Variants in PLEKHH2 observed in about 807,000 individuals in gnomAD.
PLEKHH2 encodes pleckstrin homology domain-containing family H member 2.
A neutral mutation model predicts 187.9 loss-of-function variants in PLEKHH2; 129 were observed. That is an observed-to-expected ratio of 0.69 (90% CI 0.59 to 0.79). The LOEUF (loss-of-function observed/expected upper bound fraction) is 0.79. Among genes scored for constraint, PLEKHH2 ranks in the 30% least tolerant of loss-of-function variants. PLEKHH2 has a pLI of 0.00. For missense variants in PLEKHH2, 2,076 were observed against 1,751.2 expected (o/e 1.19, Z -3.31); for synonymous variants, 686 against 605.6 (o/e 1.13, Z -1.95).
chr2:43,746,157 A>G (rs1558611083), intron 24 of PLEKHH2, among the ~76,000 whole-genome samples, 194 bp downstream of exon 24: 1 of 152,220 alleles, frequency 6.6e-6, no homozygotes, highest in Admixed American at 6.5e-5. Context: ...TAGTCTCTTA[A>G]TGTCATAAAG....
chr2:43,726,539 A>G, intron 17 of PLEKHH2, 88 bp downstream of exon 17: 2 of 1,271,200 alleles, frequency 1.6e-6, no homozygotes, highest in African/African-American at 1.5e-5. Flanking sequence ...ATTTAATGGA[A>G]ATAAGGAAGA....
Position 43,701,752 on chromosome 2 carries a change from A to G in PLEKHH2, c.1650+1144A>G, listed in dbSNP as rs1002750816. Among the ~76,000 whole-genome samples the G allele has an allele frequency of 2.0e-5, 3 of 147,546 alleles. No individual in the cohort carries two copies. In the South Asian group the frequency reaches 6.4e-4, roughly 31 times the overall value. On this transcript the variant is annotated intron_variant, in intron 8 of 29. Coordinates refer to ENST00000282406, the MANE Select transcript of PLEKHH2 (RefSeq NM_172069.4). Reference sequence around the variant, plus strand: ...CCAATATTTGAAATAAAATGAAATGATCTGTTTAATTTTAATTTTTTTTTT... The same window carrying G: ...CCAATATTTGAAATAAAATGAAATGGTCTGTTTAATTTTAATTTTTTTTTT...
At chr2:43,682,628 A>G (rs1302740241) in intron 3 of PLEKHH2, among the ~76,000 whole-genome samples, 1 of 152,058 alleles carries the variant, frequency 6.6e-6, no homozygotes, top group Non-Finnish European at 1.5e-5. Context: ...TTAAATGAAC[A>G]TTTCAGTGTT....
chr2:43,741,081 C>A, intron 21 of PLEKHH2, 38 bp downstream of exon 21: 1 of 1,529,706 alleles, frequency 6.5e-7, no homozygotes. Flanking sequence ...GTTTATGTGG[C>A]CTCTGAAAGT....
intron 10 of PLEKHH2, among the ~76,000 whole-genome samples, chr2:43,706,972 C>A (rs988246141): frequency 6.6e-6 from 1 of 151,906 alleles, no homozygotes; most frequent in African/African-American, 2.4e-5. Flanking sequence ...CCGAGGCGGG[C>A]GGATCACGAG....
chr2:43,644,858 A>G (rs1666113128), intron 2 of PLEKHH2, 62 bp downstream of exon 2: 4 of 1,460,134 alleles, frequency 2.7e-6, no homozygotes, highest in Admixed American at 2.2e-5. Context: ...CTTCATTTAT[A>G]TTAAATAATC....
intron 2 of PLEKHH2, among the ~76,000 whole-genome samples, chr2:43,671,109 ACTG>A (rs1667477740): frequency 6.7e-6 from 1 of 149,022 alleles, no homozygotes; most frequent in African/African-American, 2.5e-5. Context: ...TCTGCCCCCC[ACTG>A]AGTAGCTGGG....
chr2:43,712,415 G>C, intron 15 of PLEKHH2, 32 bp downstream of exon 15: 1 of 1,595,514 alleles, frequency 6.3e-7, no homozygotes, highest in Non-Finnish European at 8.6e-7. Context: ...CAATGTCCCA[G>C]GCAGCTATGG....
At chr2:43,735,420 C>T (rs1474192591) in intron 19 of PLEKHH2, among the ~76,000 whole-genome samples, 1 of 151,978 alleles carries the variant, frequency 6.6e-6, no homozygotes, top group Non-Finnish European at 1.5e-5. Context: ...TTACCAGAGG[C>T]TGGGTAGTAG....
At position 43,683,381 on chromosome 2, in the gene PLEKHH2, C is replaced by T. The variant is rs536616397; in HGVS notation, c.186+4456C>T. Among the ~76,000 whole-genome samples the T allele has an allele frequency of 1.3e-3, 200 of 151,984 alleles. 1 individual carries two copies. The highest frequency in any genetic ancestry group is 4.7e-3 in the African/African-American group (193 of 41,476). ...CTCAAACTCCTGATTTCAGGTGATCCGCCCACCTTGGCCTCCCAGAGTGCT... is the reference window on the plus strand; with the variant it reads ...CTCAAACTCCTGATTTCAGGTGATCTGCCCACCTTGGCCTCCCAGAGTGCT... On this transcript the variant is annotated intron_variant, in intron 3 of 29. Transcript: ENST00000282406.
At chr2:43,740,657 A>G (rs1671520979) in intron 20 of PLEKHH2, among the ~76,000 whole-genome samples, 1 of 152,138 alleles carries the variant, frequency 6.6e-6, no homozygotes, top group African/African-American at 2.4e-5. Context: ...AAAAGAAACA[A>G]TGTTCCTAAT....
At position 43,759,145 on chromosome 2, in the gene PLEKHH2, T is replaced by C. The variant is rs1672332130; in HGVS notation, c.4071+116T>C. On this transcript the variant is annotated intron_variant, in intron 27 of 29. Coordinates refer to ENST00000282406, the MANE Select transcript of PLEKHH2 (RefSeq NM_172069.4). ...TAAAAAATGAAGAAATATCCAATAA[T>C]GTAAAGAAAACAATGAAGAGACACT... 6 of 1,389,240 alleles carry C rather than the reference T, an allele frequency of 4.3e-6. No homozygotes were observed. The Admixed American group carries it at 1.5e-4, about 34-fold the overall frequency. 86.1% of individuals were successfully genotyped at this position (1,389,240 alleles called of 1,614,324 possible).
At chr2:43,729,895 T>C (rs983321507) in intron 18 of PLEKHH2, 150 bp downstream of exon 18, 3 of 500,080 alleles carry the variant, frequency 6.0e-6, no homozygotes, top group African/African-American at 3.9e-5. Context: ...GAGAGAATTC[T>C]GTCTGTGGCT....
chr2:43,670,920 A>G (rs1667466234), intron 2 of PLEKHH2, among the ~76,000 whole-genome samples: 1 of 151,702 alleles, frequency 6.6e-6, no homozygotes, highest in South Asian at 2.1e-4. Context: ...TATGGTTTTG[A>G]TGCTTTTGTA....
intron 15 of PLEKHH2, among the ~76,000 whole-genome samples, chr2:43,717,576 G>T (rs986079926): frequency 1.3e-5 from 2 of 152,112 alleles, no homozygotes; most frequent in Non-Finnish European, 2.9e-5. Context: ...AAAGGATTAG[G>T]GTATGGCTGA....
intron 1 of PLEKHH2, among the ~76,000 whole-genome samples, chr2:43,643,978 C>T (rs1195547062): frequency 6.6e-6 from 1 of 152,080 alleles, no homozygotes; most frequent in Non-Finnish European, 1.5e-5. Flanking sequence ...AGATTTACTT[C>T]ATATGGCTAA....
chr2:43,690,711 A>G (rs546717486), intron 3 of PLEKHH2, among the ~76,000 whole-genome samples: 1 of 152,346 alleles, frequency 6.6e-6, no homozygotes, highest in African/African-American at 2.4e-5. Context: ...TATTTGGAGT[A>G]TGTAGAATGA....
chr2:43,727,871 T>C lies in PLEKHH2; in HGVS notation c.2721+1420T>C, dbSNP rs77200510. 7.4e-3 allele frequency among the ~76,000 whole-genome samples: 1,121 copies of C among 152,318 alleles called. 16 individuals carry two copies. Among genetic ancestry groups the C allele is most frequent in the African/African-American group, 0.026 (1,063 of 41,570 alleles). On this transcript the variant is annotated intron_variant, in intron 17 of 29. Transcript: ENST00000282406. ...TATGATTTGAAAAGGACTATGTTTC[T>C]AGTAGAAAAATGGAAAGAGGGCCTG...
At chr2:43,653,080 T>C (rs185322858) in intron 2 of PLEKHH2, among the ~76,000 whole-genome samples, 8 of 152,212 alleles carry the variant, frequency 5.3e-5, no homozygotes, top group Admixed American at 4.6e-4. Context: ...TCCAGTTCAA[T>C]ATGTCCAAGA....
Sources: allele counts gnomAD v4.1 joint callset (sites outside exome capture counted in the v4.1 genomes callset), GRCh38; gene constraint gnomAD v4.1.1; transcripts MANE v1.5; gene names NCBI Gene and HGNC (gene_info 2026-07-23, HGNC 2026-07-21).